Variants in KAT6A observed in about 807,000 individuals in gnomAD.
KAT6A encodes the protein histone acetyltransferase KAT6A.
KAT6A carries 9 observed loss-of-function variants against 198.4 expected under a neutral mutation model. The ratio of observed to expected loss-of-function variants is 0.05; its 90% CI spans 0.03 to 0.08. The LOEUF is 0.08. KAT6A is among the 10% of genes least tolerant of loss of function. KAT6A has a pLI of 1.00. For missense variants in KAT6A, 2,077 were observed against 2,509.9 expected, an observed-to-expected ratio of 0.83 and a Z score of 3.69; for synonymous variants, 890 against 883.0, an observed-to-expected ratio of 1.01 and a Z score of -0.14.
intron 2 of KAT6A, among the ~76,000 whole-genome samples, chr8:41,994,115 TTC>T (rs1366801379): frequency 1.3e-5 from 2 of 152,340 alleles, no homozygotes; most frequent in South Asian, 2.1e-4. Flanking sequence ...CTATCCAAGC[TTC>T]TTTCTTATAC....
rs1447380384 is a variant in KAT6A, at chr8:41,984,269, T to TCTAAG, written c.710-2320_710-2316dup. 1.1e-4 allele frequency among the ~76,000 whole-genome samples: 16 copies of TCTAAG among 152,298 alleles called. 1 individual carries two copies. Among genetic ancestry groups the TCTAAG allele is most frequent in the Middle Eastern group, 3.4e-3 (1 of 294 alleles). ...TATTGCTGAAATAACACAGTGTGAC[T>TCTAAG]CTAAGGCCAGGTTATAAAACACACT... is the stretch of plus-strand genomic sequence containing the variant. On this transcript the variant is annotated intron_variant, in intron 3 of 16. Transcript: ENST00000265713.
chr8:41,979,484 TTAGCTGCAAG>T (rs1320275225), intron 5 of KAT6A, among the ~76,000 whole-genome samples: 1 of 149,094 alleles, frequency 6.7e-6, no homozygotes, highest in Non-Finnish European at 1.5e-5. Context: ...ACAAAAAACA[TTAGCTGCAAG>T]CCAGGCATGG....
intron 2 of KAT6A, among the ~76,000 whole-genome samples, chr8:42,027,994 T>C (rs986548841): frequency 3.9e-5 from 6 of 152,202 alleles, no homozygotes; most frequent in Non-Finnish European, 7.3e-5. Context: ...ATTCTTAGTA[T>C]CTTCATTGAC....
chr8:42,038,630 T>A (rs1350203813), intron 2 of KAT6A, among the ~76,000 whole-genome samples: 1 of 152,238 alleles, frequency 6.6e-6, no homozygotes, highest in Non-Finnish European at 1.5e-5. Flanking sequence ...CACTTCAACC[T>A]CTTTGGCTCT....
Position 41,934,880 on chromosome 8 carries a change from GA to G in KAT6A, c.3353-14del, listed in dbSNP as rs1821774243. 5.1e-6 allele frequency: 8 copies of G among 1,560,294 alleles called. No homozygotes were observed. Among genetic ancestry groups the G allele is most frequent in the Non-Finnish European group, 5.2e-6 (6 of 1,157,898 alleles). ...AAGATAGGAGTGTCTATACAGGAAGGAAAAAAAACAAAGACAGGTTACAAGG... is the reference window on the plus strand; with the variant it reads ...AAGATAGGAGTGTCTATACAGGAAGGAAAAAAACAAAGACAGGTTACAAGG... On this transcript the variant is annotated splice_polypyrimidine_tract_variant and intron_variant, in intron 16 of 16. Transcript: ENST00000265713.
Position 41,932,203 on chromosome 8 carries a change from G to A in KAT6A, c.*2C>T. 7 of 1,552,588 alleles carry A rather than the reference G, an allele frequency of 4.5e-6. No individual in the cohort carries two copies. Among genetic ancestry groups the A allele is most frequent in the Non-Finnish European group, 6.1e-6 (7 of 1,149,884 alleles). ...AAGTTTTTGATTGCAAGTTCATCTT[G>A]CTCATCTTCTCATGTAAGGTCCGTT... On this transcript the variant is annotated 3_prime_UTR_variant, in exon 17 of 17. Coordinates refer to ENST00000265713, the MANE Select transcript of KAT6A (RefSeq NM_006766.5).
At chr8:42,013,838 A>G (rs1049630612) in intron 2 of KAT6A, among the ~76,000 whole-genome samples, 6 of 152,224 alleles carry the variant, frequency 3.9e-5, no homozygotes, top group Admixed American at 1.3e-4. Flanking sequence ...TCAAGAGGGA[A>G]GTAAAAAGTG....
chr8:42,036,568 G>A (rs186566471), intron 2 of KAT6A, among the ~76,000 whole-genome samples: 3 of 152,070 alleles, frequency 2.0e-5, no homozygotes, highest in Admixed American at 2.0e-4. Flanking sequence ...AGCAGAGATC[G>A]CACCACTGCA....
chr8:41,981,771 G>T, intron 4 of KAT6A, 68 bp downstream of exon 4: 1 of 932,992 alleles, frequency 1.1e-6, no homozygotes, highest in Non-Finnish European at 1.7e-6. Flanking sequence ...GTCATACTTA[G>T]ATGAAAATGC....
At position 41,982,169 on chromosome 8, in the gene KAT6A, C is replaced by T. The variant is rs115005779; in HGVS notation, c.710-215G>A. On this transcript the variant is annotated intron_variant, in intron 3 of 16. Transcript: ENST00000265713. The stretch of plus-strand genomic sequence containing the variant: ...GTTAAAGAGAAGTTAGGACCCCTCC[C>T]CACAATTTGATTATTAAAAAAAACT... Among the ~76,000 whole-genome samples the T allele has an allele frequency of 8.3e-3, 1,260 of 151,994 alleles. 16 individuals carry two copies. The highest frequency in any genetic ancestry group is 0.029 in the African/African-American group (1,220 of 41,414).
chr8:42,015,177 T>C (rs1460332090), intron 2 of KAT6A, among the ~76,000 whole-genome samples: 3 of 152,188 alleles, frequency 2.0e-5, no homozygotes, highest in African/African-American at 4.8e-5. Flanking sequence ...ACAAGTAATA[T>C]GTCCAATGTG....
intron 2 of KAT6A, among the ~76,000 whole-genome samples, chr8:41,995,067 T>TAA (rs1177389730): frequency 1.3e-5 from 2 of 150,688 alleles, no homozygotes; most frequent in Admixed American, 6.6e-5. Flanking sequence ...AAAAAAAAAA[T>TAA]AAAAATAAAA....
intron 8 of KAT6A, among the ~76,000 whole-genome samples, chr8:41,964,595 G>A (rs1823365218): frequency 6.8e-6 from 1 of 146,990 alleles, no homozygotes. Context: ...ATGCTCGACG[G>A]CTAAGCATAT....
chr8:41,983,806 T>C (rs978814862), intron 3 of KAT6A, among the ~76,000 whole-genome samples: 1 of 152,234 alleles, frequency 6.6e-6, no homozygotes, highest in East Asian at 1.9e-4. Flanking sequence ...TATATTTCAA[T>C]TGTGATTATT....
chr8:41,985,147 C>T (rs1484317510), intron 3 of KAT6A, among the ~76,000 whole-genome samples: 1 of 152,092 alleles, frequency 6.6e-6, no homozygotes, highest in African/African-American at 2.4e-5. Flanking sequence ...CCTAGAACAA[C>T]TCATTCTATG....
chr8:41,937,232 G>A (rs201565122), intron 16 of KAT6A, 24 bp downstream of exon 16: 2 of 1,575,270 alleles, frequency 1.3e-6, no homozygotes, highest in East Asian at 2.2e-5. Flanking sequence ...ATAAACCACA[G>A]TAAGTGAGTT....
intron 2 of KAT6A, among the ~76,000 whole-genome samples, chr8:42,019,515 T>C (rs564858897): frequency 7.9e-5 from 12 of 152,332 alleles, no homozygotes; most frequent in South Asian, 2.1e-4. Context: ...AGTGTGTTTT[T>C]TATAATTTTC....
chr8:41,995,438 C>G (rs1825149115), intron 2 of KAT6A, among the ~76,000 whole-genome samples: 1 of 152,074 alleles, frequency 6.6e-6, no homozygotes, highest in East Asian at 1.9e-4. Flanking sequence ...ATAATAATCA[C>G]CAGATGGCAG....
chr8:42,038,018 C>G (rs1211475185), intron 2 of KAT6A, among the ~76,000 whole-genome samples: 1 of 152,278 alleles, frequency 6.6e-6, no homozygotes, highest in Admixed American at 6.5e-5. Context: ...CTAGACTATA[C>G]ACTTTTGGTC....
Sources: allele counts gnomAD v4.1 joint callset (sites outside exome capture counted in the v4.1 genomes callset), GRCh38; gene constraint gnomAD v4.1.1; transcripts MANE v1.5; gene names NCBI Gene and HGNC (gene_info 2026-07-23, HGNC 2026-07-21).